The following SUN2 variants were observed in gnomAD, a reference collection of about 807,000 sequenced individuals.
SUN2 encodes the protein SUN domain-containing protein 2.
A neutral mutation model predicts 100.0 loss-of-function variants in SUN2; 60 were observed. The observed-to-expected ratio is 0.60, with a 90% CI of 0.49 to 0.74. The LOEUF (loss-of-function observed/expected upper bound fraction) is 0.74, where lower values mean the gene tolerates loss of function less well. Among genes scored for constraint, SUN2 ranks in the 30% least tolerant of loss-of-function variants. The probability of loss-of-function intolerance (pLI) is 0.00; values close to 1 mark genes in which losing one functional copy is unlikely to be tolerated. For missense variants in SUN2, 834 were observed against 954.6 expected, an observed-to-expected ratio of 0.87 and a Z score of 1.66; for synonymous variants, 367 against 403.3, an observed-to-expected ratio of 0.91 and a Z score of 1.08.
At chr22:38,741,829 C>G (rs138706) in intron 9 of SUN2, among the ~76,000 whole-genome samples, 55,006 of 152,024 alleles carry the variant, frequency 0.36, 10,689 homozygotes, top group African/African-American at 0.51. Flanking sequence ...CATCAAAGAG[C>G]AGGAAACTGA....
rs2092796534 is a variant in SUN2 at position 38,735,512 on chromosome 22, G to A, written c.*755C>T. 3.6e-6 allele frequency: 1 copy of A among 279,758 alleles called. No individual in the cohort carries two copies. Among genetic ancestry groups the A allele is most frequent in the Non-Finnish European group, 7.1e-6 (1 of 141,296 alleles). 17.3% of individuals were successfully genotyped at this position (279,758 alleles called of 1,614,324 possible). A position where few individuals can be genotyped will look rare whatever the true frequency, so the allele number is the denominator to read the frequency against. ...CACTGGCAGGCCCTAGCAGGAACAG[G>A]GAGCAGGGTGGGCCCCAACCTAGCA... On this transcript the variant is annotated 3_prime_UTR_variant, in exon 18 of 18. Transcript: ENST00000689035.
intron 8 of SUN2, chr22:38,744,927 A>T: frequency 2.5e-6 from 1 of 406,508 alleles, no homozygotes; most frequent in South Asian, 1.9e-5. Flanking sequence ...CAGATTATAA[A>T]AATGGCCACC....
chr22:38,735,984 A>C lies in SUN2; in HGVS notation c.*283T>G, dbSNP rs770501401. ...GACCAGTCAGGTCCTACCTCTCCCA[A>C]CTTCCCAGTCCCCCATGATATGCTA... On this transcript the variant is annotated 3_prime_UTR_variant, in exon 18 of 18. Transcript: ENST00000689035. 3.0e-6 allele frequency: 1 copy of C among 330,762 alleles called. No homozygotes were observed. The highest frequency in any genetic ancestry group is 2.2e-5 in the African/African-American group (1 of 45,458). 20.5% of individuals were successfully genotyped at this position (330,762 alleles called of 1,614,324 possible). A position where few individuals can be genotyped will look rare whatever the true frequency, so the allele number is the denominator to read the frequency against.
chr22:38,744,477 A>AG (rs2092887297), intron 8 of SUN2, among the ~76,000 whole-genome samples: 1 of 152,254 alleles, frequency 6.6e-6, no homozygotes, highest in South Asian at 2.1e-4. Flanking sequence ...GCTACTTCAC[A>AG]GGCTGATGCA....
At position 38,745,679 on chromosome 22, in the gene SUN2, C is replaced by T. The variant is rs531049885; in HGVS notation, c.813+5G>A. 1.3e-5 allele frequency: 21 copies of T among 1,613,352 alleles called. No individual in the cohort carries two copies. The South Asian group carries it at 2.1e-4, about 16-fold the overall frequency. On this transcript the variant is annotated splice_donor_5th_base_variant and intron_variant, in intron 8 of 17. Transcript: ENST00000689035. ...TCTTGGGAGCTACCACCCTCAGAGA[C>T]TCACCTGGAAATGTGGCGATGAGTC... is the stretch of plus-strand genomic sequence containing the variant.
chr22:38,752,477 A>G (rs2092953502), intron 2 of SUN2, 30 bp downstream of exon 2: 2 of 1,586,960 alleles, frequency 1.3e-6, no homozygotes, highest in Non-Finnish European at 1.7e-6. Context: ...TGGGGCTGTC[A>G]GGGGCCGTGG....
chr22:38,736,500 G>C (rs1198234969), intron 17 of SUN2, 120 bp from the exon 18 acceptor site: 3 of 730,890 alleles, frequency 4.1e-6, no homozygotes, highest in Non-Finnish European at 6.4e-6. Context: ...CCTTCCCTGG[G>C]GCTCTGAAGA....
At chr22:38,741,798 T>G in intron 9 of SUN2, among the ~76,000 whole-genome samples, 1 of 151,600 alleles carries the variant, frequency 6.6e-6, no homozygotes. Context: ...ACTATGGGGG[T>G]GGGGGAGACA....
intron 10 of SUN2, among the ~76,000 whole-genome samples, 197 bp from the exon 11 acceptor site, chr22:38,741,247 C>T (rs922174781): frequency 6.6e-6 from 1 of 151,202 alleles, no homozygotes; most frequent in African/African-American, 2.5e-5. Context: ...ACTGAGGTAT[C>T]TGTTCACCCA....
Position 38,738,259 on chromosome 22 carries a change from C to T in SUN2, c.1954G>A (p.Asp652Asn). The T allele has an allele frequency of 6.2e-7, 1 of 1,613,614 alleles. No individual in the cohort carries two copies. Among genetic ancestry groups the T allele is most frequent in the Non-Finnish European group, 8.5e-7 (1 of 1,179,834 alleles). The change falls in exon 17 of 18, where the codon GAC becomes AAC. Residue 652 changes from aspartate (D) to asparagine (N), a missense_variant. Physicochemically the swap from Asp to Asn is conservative, Grantham distance 23 (BLOSUM62 1). Transcript: ENST00000689035. The surrounding 1 kb of genome is among the most constrained non-coding windows in gnomAD (Gnocchi z 6.6). ...GTCCCCTCCTGCTGCAGGTCTTCGT[C>T]AAACCCCTGCAAAGAGAGCGGAGGG... Reference protein sequence around the residue: ...APKDFAIFGFDEDLQQEGTLL... With the variant: ...APKDFAIFGFNEDLQQEGTLL...
Position 38,755,497 on chromosome 22 carries a change from C to T in SUN2, c.-38+266G>A. On this transcript the variant is annotated intron_variant, in intron 1 of 17. Coordinates refer to ENST00000689035, the MANE Select transcript of SUN2 (RefSeq NM_015374.3). This position sits in a 1 kb window ranked among gnomAD's most constrained non-coding sequence, Gnocchi z 5.7. ...CGGGTTGGGGCAGTCGGCCTTTGCC[C>T]TCCTCCTCCCGGGAGGCTGCCCGGG... 1 of 986,732 alleles carries T rather than the reference C, an allele frequency of 1.0e-6. No homozygotes were observed. The highest frequency in any genetic ancestry group is 1.2e-6 in the Non-Finnish European group (1 of 830,636). 61.1% of individuals were successfully genotyped at this position (986,732 alleles called of 1,614,324 possible). A position where few individuals can be genotyped will look rare whatever the true frequency, so the allele number is the denominator to read the frequency against.
At chr22:38,752,856 G>GCCAGGGA (rs2092957702) in intron 1 of SUN2, among the ~76,000 whole-genome samples, 191 bp from the exon 2 acceptor site, 3 of 152,140 alleles carry the variant, frequency 2.0e-5, no homozygotes, top group African/African-American at 7.2e-5. Flanking sequence ...CCCCTGCACT[G>GCCAGGGA]TGCAGCGGCT....
rs572241852 is a variant in SUN2 at position 38,739,373 on chromosome 22, G to A, written c.1632C>T (p.Ile544=). The change falls in exon 14 of 18, where the codon ATC becomes ATT. Residue 544 remains isoleucine (I), a synonymous_variant. Transcript: ENST00000689035. This position sits in a 1 kb window ranked among gnomAD's most constrained non-coding sequence, Gnocchi z 6.7. ...QALQRYSEDR[I]GLADYALESG... ...ACTCCAGGGCGTAGTCTGCCAGCCC[G>A]ATGCGGTCCTCACTGTAGCGCTGCA... 1.3e-5 allele frequency: 21 copies of A among 1,613,128 alleles called. No homozygotes were observed. The highest frequency in any genetic ancestry group is 5.5e-5 in the South Asian group (5 of 91,092).
intron 4 of SUN2, 96 bp from the exon 5 acceptor site, chr22:38,750,416 C>T (rs1320169848): frequency 6.4e-7 from 1 of 1,556,016 alleles, no homozygotes; most frequent in Non-Finnish European, 8.7e-7. Flanking sequence ...ACCCACCCTC[C>T]TTCACATCCC....
rs1262465831 is a variant in SUN2 at position 38,735,343 on chromosome 22, G to A, written c.*924C>T. 1.4e-5 allele frequency: 6 copies of A among 422,298 alleles called. No individual in the cohort carries two copies. Among genetic ancestry groups the A allele is most frequent in the African/African-American group, 6.2e-5 (3 of 48,260 alleles). 26.2% of individuals were successfully genotyped at this position (422,298 alleles called of 1,614,324 possible). On this transcript the variant is annotated 3_prime_UTR_variant, in exon 18 of 18. Transcript: ENST00000689035. ...GTGGGGGCCGGTGCAGACAGACCTC[G>A]CACCCCGATACCCTGAACGTCCCCA...
At chr22:38,745,129 C>T in intron 8 of SUN2, 1 of 471,142 alleles carries the variant, frequency 2.1e-6, no homozygotes, top group South Asian at 1.5e-5. Context: ...TGCCTTGGTT[C>T]TCTCTTGAAA....
At chr22:38,745,909 TG>T in intron 7 of SUN2, 98 bp from the exon 8 acceptor site, 1 of 1,506,704 alleles carries the variant, frequency 6.6e-7, no homozygotes, top group Non-Finnish European at 8.9e-7. Context: ...GCTTGTGGCC[TG>T]TCCCACTCGT....
In SUN2 at chr22:38,741,039, A is replaced by G; in HGVS notation, c.1158T>C (p.Ala386=). 1 of 1,598,072 alleles carries G rather than the reference A, an allele frequency of 6.3e-7. No homozygotes were observed. Among genetic ancestry groups the G allele is most frequent in the Non-Finnish European group, 8.5e-7 (1 of 1,172,144 alleles). Residue 386 remains alanine (A), a synonymous_variant, in exon 11 of 18, where the codon GCT becomes GCC. Coordinates refer to ENST00000689035, the MANE Select transcript of SUN2 (RefSeq NM_015374.3). The part of the protein sequence containing the change: ...KIVRASQESE[A]RIQQLKSEWQ... ...ACTCTGACTTCAGCTGCTGGATGCG[A>G]GCCTCGGACTCCTGTGTAGGAAGAA...
At chr22:38,743,344 T>C (rs1034789846) in intron 8 of SUN2, among the ~76,000 whole-genome samples, 1 of 152,126 alleles carries the variant, frequency 6.6e-6, no homozygotes, top group Non-Finnish European at 1.5e-5. Context: ...CCCAACACTT[T>C]GGGAGGCCGA....
Sources: allele counts gnomAD v4.1 joint callset (sites outside exome capture counted in the v4.1 genomes callset), GRCh38; gene constraint gnomAD v4.1.1; non-coding constraint Gnocchi (gnomAD v3.1); transcripts MANE v1.5; gene names NCBI Gene and HGNC (gene_info 2026-07-23, HGNC 2026-07-21).